The following RYR2 variants were observed in gnomAD, a reference collection of about 807,000 sequenced individuals.
The protein encoded by RYR2 is ryanodine receptor 2, also known as cardiac muscle ryanodine receptor-calcium release channel.
Under a neutral mutation model 601.1 loss-of-function variants are expected in RYR2, and 227 were observed. That is an observed-to-expected ratio of 0.38 (90% CI 0.34 to 0.42). The LOEUF is 0.42. Among genes scored for constraint, RYR2 ranks in the 10% least tolerant of loss-of-function variants. The pLI is 1.00. For synonymous variants in RYR2, 2,223 were observed against 2,175.1 expected, an observed-to-expected ratio of 1.02 and a Z score of -0.61; for missense variants, 4,646 against 6,156.5, an observed-to-expected ratio of 0.75 and a Z score of 8.21.
intron 54 of RYR2, 67 bp from the exon 55 acceptor site, chr1:237,659,918 C>G: frequency 9.9e-7 from 1 of 1,010,276 alleles, no homozygotes; most frequent in Non-Finnish European, 1.5e-6. Context: ...CACTTAAACA[C>G]CTGCATATCT....
At chr1:237,340,636 GT>G (rs1390639193) in intron 3 of RYR2, among the ~76,000 whole-genome samples, 2 of 152,156 alleles carry the variant, frequency 1.3e-5, no homozygotes, top group Non-Finnish European at 2.9e-5. Flanking sequence ...AAGAGGCTGT[GT>G]TCTGTTACCT....
At chr1:237,375,377 A>G (rs1309766915) in intron 7 of RYR2, among the ~76,000 whole-genome samples, 1 of 152,224 alleles carries the variant, frequency 6.6e-6, no homozygotes, top group Non-Finnish European at 1.5e-5. Flanking sequence ...TTGACTTTAT[A>G]TATCCCTATA....
intron 3 of RYR2, among the ~76,000 whole-genome samples, chr1:237,344,269 G>A (rs1698100606): frequency 6.6e-6 from 1 of 152,158 alleles, no homozygotes; most frequent in Admixed American, 6.5e-5. Context: ...TTGGATCTAG[G>A]TCTTTAACTT....
intron 1 of RYR2, among the ~76,000 whole-genome samples, chr1:237,066,060 G>T (rs1663571188): frequency 6.6e-6 from 1 of 152,144 alleles, no homozygotes; most frequent in Non-Finnish European, 1.5e-5. Flanking sequence ...TTTGGGTGGG[G>T]GCACAGATCC....
At chr1:237,291,423 T>C (rs998116857) in intron 2 of RYR2, among the ~76,000 whole-genome samples, 1 of 152,152 alleles carries the variant, frequency 6.6e-6, no homozygotes, top group African/African-American at 2.4e-5. Context: ...AATCCAGCAA[T>C]CACAGTCCTT....
chr1:237,220,619 C>T (rs538788538), intron 1 of RYR2, among the ~76,000 whole-genome samples: 7 of 152,312 alleles, frequency 4.6e-5, no homozygotes, highest in South Asian at 2.1e-4. Context: ...GATACACCTA[C>T]GTTTCACTCT....
chr1:237,237,994 G>T (rs1228561730), intron 1 of RYR2, among the ~76,000 whole-genome samples: 1 of 13,316 alleles, frequency 7.5e-5, no homozygotes, highest in Non-Finnish European at 3.4e-4. Flanking sequence ...TTCCAACAGG[G>T]TTTTATTCTG....
chr1:237,755,346 C>G (rs1692861727), intron 80 of RYR2, among the ~76,000 whole-genome samples: 2 of 152,190 alleles, frequency 1.3e-5, no homozygotes, highest in African/African-American at 4.8e-5. Flanking sequence ...TCTGCTGCAG[C>G]TCTTCCTGCT....
At chr1:237,371,578 T>C (rs1207171978) in intron 6 of RYR2, among the ~76,000 whole-genome samples, 1 of 152,264 alleles carries the variant, frequency 6.6e-6, no homozygotes, top group Non-Finnish European at 1.5e-5. Context: ...TGTAATAATA[T>C]ACTTGATCAT....
At chr1:237,268,399 G>A (rs1236690146) in intron 1 of RYR2, among the ~76,000 whole-genome samples, 1 of 152,118 alleles carries the variant, frequency 6.6e-6, no homozygotes, top group Non-Finnish European at 1.5e-5. Flanking sequence ...AAGCTCCAAA[G>A]TACTTCATGA....
intron 16 of RYR2, among the ~76,000 whole-genome samples, chr1:237,458,724 A>G (rs965078161): frequency 1.4e-5 from 2 of 140,838 alleles, no homozygotes; most frequent in Non-Finnish European, 3.1e-5. Context: ...TAGAAAGGAG[A>G]TAATGCAAAA....
intron 1 of RYR2, among the ~76,000 whole-genome samples, chr1:237,048,850 C>A (rs1572446124): frequency 6.6e-6 from 1 of 152,090 alleles, no homozygotes; most frequent in South Asian, 2.1e-4. Context: ...AAGATCGGGA[C>A]AAGAGAAAGG....
At chr1:237,107,108 T>C (rs1048069100) in intron 1 of RYR2, among the ~76,000 whole-genome samples, 4 of 152,062 alleles carry the variant, frequency 2.6e-5, no homozygotes, top group African/African-American at 9.7e-5. Context: ...CCAATAAAAG[T>C]CTTATAAGCA....
At chr1:237,604,934 C>G (rs112358486) in intron 35 of RYR2, among the ~76,000 whole-genome samples, 4,137 of 152,116 alleles carry the variant, frequency 0.027, 195 homozygotes, top group African/African-American at 0.094. Context: ...TAATTAATAG[C>G]CTACCAACCA....
intron 57 of RYR2, among the ~76,000 whole-genome samples, chr1:237,666,803 G>A (rs2148873718): frequency 6.6e-6 from 1 of 152,104 alleles, no homozygotes; most frequent in Middle Eastern, 3.4e-3. Flanking sequence ...CCAGCTACTT[G>A]GGAAGCTGAG....
At chr1:237,643,287 G>T (rs1281415033) in intron 47 of RYR2, 40 bp from the exon 48 acceptor site, 2 of 1,600,118 alleles carry the variant, frequency 1.2e-6, no homozygotes, top group Non-Finnish European at 1.7e-6. Flanking sequence ...TAACATTGAT[G>T]TCACAAAGTT....
intron 12 of RYR2, among the ~76,000 whole-genome samples, chr1:237,424,722 G>A (rs903777258): frequency 2.6e-5 from 4 of 152,048 alleles, no homozygotes; most frequent in East Asian, 1.9e-4. Flanking sequence ...TAGGTAAAGC[G>A]TTTACCCTAA....
intron 36 of RYR2, 122 bp downstream of exon 36, chr1:237,611,110 G>A (rs1677818787): frequency 1.3e-6 from 1 of 757,264 alleles, no homozygotes; most frequent in Non-Finnish European, 2.1e-6. Context: ...AATTTACAAA[G>A]ATCTAAATTC....
At chr1:237,632,930 T>A (rs1680504175) in intron 42 of RYR2, among the ~76,000 whole-genome samples, 1 of 152,160 alleles carries the variant, frequency 6.6e-6, no homozygotes, top group South Asian at 2.1e-4. Context: ...CATAATATAC[T>A]GTACTTTATT....
Sources: gnomAD v4.1 joint callset for allele counts (sites outside exome capture counted in the v4.1 genomes callset) on GRCh38, gnomAD v4.1.1 for gene constraint, MANE v1.5 for transcripts, NCBI Gene and HGNC (gene_info 2026-07-23, HGNC 2026-07-21) for gene names.